RBM27: variants seen among roughly 807,000 people sequenced by gnomAD.
RBM27 encodes RNA-binding protein 27.
RBM27 carries 22 observed loss-of-function variants against 135.3 expected under a neutral mutation model. That is an observed-to-expected ratio of 0.16 (90% CI 0.12 to 0.23). RBM27 has a LOEUF of 0.23. Ranked by LOEUF, RBM27 falls within the 10% of genes least tolerant of loss-of-function variation. RBM27 has a pLI of 1.00. For synonymous variants in RBM27, 481 were observed against 442.4 expected (o/e 1.09, Z -1.10); for missense variants, 1,009 against 1,281.0 (o/e 0.79, Z 3.24).
At position 146,242,124 on chromosome 5, in the gene RBM27, T is replaced by C. The variant is rs1757432681; in HGVS notation, c.1279+4692T>C. The stretch of plus-strand genomic sequence containing the variant: ...ATCTTTTAATTAAAAAAAAAATCTT[T>C]TGTATGTAGAGGCAGGGTCTTGCTG... On this transcript the variant is annotated intron_variant, in intron 8 of 20. Coordinates refer to ENST00000265271, the MANE Select transcript of RBM27 (RefSeq NM_018989.2). 3.3e-5 allele frequency among the ~76,000 whole-genome samples: 5 copies of C among 152,078 alleles called. No individual in the cohort carries two copies. In the South Asian group the frequency reaches 1.0e-3, roughly 32 times the overall value.
intron 10 of RBM27, among the ~76,000 whole-genome samples, chr5:146,257,837 A>G (rs568758657): frequency 2.7e-5 from 4 of 150,456 alleles, no homozygotes; most frequent in Non-Finnish European, 5.9e-5. Context: ...TCTTTATGAG[A>G]CCGAATTTCA....
chr5:146,232,098 G>A (rs1286444404), intron 6 of RBM27, among the ~76,000 whole-genome samples: 1 of 152,150 alleles, frequency 6.6e-6, no homozygotes, highest in Non-Finnish European at 1.5e-5. Flanking sequence ...TAACCCCAGT[G>A]TATCCGTTAC....
At chr5:146,270,809 T>C in intron 17 of RBM27, 145 bp from the exon 18 acceptor site, 1 of 522,134 alleles carries the variant, frequency 1.9e-6, no homozygotes, top group Non-Finnish European at 3.5e-6. Flanking sequence ...TCTGTAAAGT[T>C]ACTTTTTTAA....
intron 5 of RBM27, among the ~76,000 whole-genome samples, chr5:146,230,212 A>G (rs1003378136): frequency 5.3e-5 from 8 of 152,316 alleles, no homozygotes; most frequent in African/African-American, 1.7e-4. Flanking sequence ...CGTGAGGAAG[A>G]GGGTTGCCTG....
Position 146,286,731 on chromosome 5 carries a change from T to G in RBM27, c.*701T>G, listed in dbSNP as rs1741778300. 6.6e-6 allele frequency: 1 copy of G among 152,124 alleles called. No homozygotes were observed. Among genetic ancestry groups the G allele is most frequent in the South Asian group, 2.1e-4 (1 of 4,834 alleles). 9.4% of individuals were successfully genotyped at this position (152,124 alleles called of 1,614,324 possible). On this transcript the variant is annotated 3_prime_UTR_variant, in exon 21 of 21. Coordinates refer to ENST00000265271, the MANE Select transcript of RBM27 (RefSeq NM_018989.2). ...CTCCTGGACTTTTCCTGCTACTGAT[T>G]CTTAGTTTGCTTTGATATTTAGTGA... is the stretch of plus-strand genomic sequence containing the variant.
At chr5:146,245,007 A>G (rs949343805) in intron 8 of RBM27, among the ~76,000 whole-genome samples, 1 of 147,552 alleles carries the variant, frequency 6.8e-6, no homozygotes, top group Non-Finnish European at 1.5e-5. Flanking sequence ...CCAAATAACT[A>G]GGCTGTACAG....
intron 1 of RBM27, among the ~76,000 whole-genome samples, chr5:146,214,450 G>A (rs1406120290): frequency 6.6e-6 from 1 of 152,134 alleles, no homozygotes; most frequent in African/African-American, 2.4e-5. Flanking sequence ...AGAGGGAAGT[G>A]ATGCTGCACT....
chr5:146,204,109 G>A (rs1036432317), intron 1 of RBM27, among the ~76,000 whole-genome samples: 4 of 152,214 alleles, frequency 2.6e-5, no homozygotes, highest in Non-Finnish European at 5.9e-5. Flanking sequence ...AGCAGGGGCC[G>A]TGAGGGAATT....
At chr5:146,282,202 C>T (rs540872455) in intron 19 of RBM27, among the ~76,000 whole-genome samples, 3 of 152,164 alleles carry the variant, frequency 2.0e-5, no homozygotes, top group South Asian at 4.1e-4. Context: ...GATGGTGTTT[C>T]TCCATGTTGG....
rs1019685197 is a variant in RBM27 at position 146,221,440 on chromosome 5, A to AT, written c.179-1953dup. Among the ~76,000 whole-genome samples the AT allele has an allele frequency of 2.9e-4, 43 of 149,960 alleles. No individual in the cohort carries two copies. In the South Asian group the frequency reaches 6.5e-3, roughly 23 times the overall value. ...TCTGGTAAATAGGCCAGAGAAATTG[A>AT]TTTTTTTTTTGAGACAGAGTTTCGC... On this transcript the variant is annotated intron_variant, in intron 2 of 20. Coordinates refer to ENST00000265271, the MANE Select transcript of RBM27 (RefSeq NM_018989.2).
In RBM27 at chr5:146,237,376, T is replaced by C. The variant is rs1357503123; in HGVS notation, c.1223T>C (p.Val408Ala). The stretch of plus-strand genomic sequence containing the variant: ...AGTGCAGTGCCCAATCTTGCATCAG[T>C]GGGAACAAGACTACCTCCTCCTTTA... ...GTSAVPNLAS[V>A]GTRLPPPLPQ... Residue 408 changes from valine (V) to alanine (A), a missense_variant, in exon 8 of 21, where the codon GTG (valine) becomes GCG (alanine). Coordinates refer to ENST00000265271, the MANE Select transcript of RBM27 (RefSeq NM_018989.2). 1 of 1,613,958 alleles carries C rather than the reference T, an allele frequency of 6.2e-7. No individual in the cohort carries two copies. Among genetic ancestry groups the C allele is most frequent in the Admixed American group, 1.7e-5 (1 of 60,020 alleles).
At chr5:146,235,077 AG>A (rs1407523132) in intron 7 of RBM27, among the ~76,000 whole-genome samples, 3 of 101,312 alleles carry the variant, frequency 3.0e-5, no homozygotes, top group Middle Eastern at 7.7e-3. Context: ...AATAAATAAA[AG>A]ATGGCAAATT....
intron 8 of RBM27, among the ~76,000 whole-genome samples, chr5:146,239,213 C>G (rs1757295497): frequency 6.6e-6 from 1 of 152,018 alleles, no homozygotes. Context: ...TGAAGTAGCC[C>G]TTTCTATTTC....
Position 146,267,777 on chromosome 5 carries a change from C to T in RBM27, c.2451+9C>T, listed in dbSNP as rs755452431. ...TGCTTAAAAAAAAACAGGTAACAGT[C>T]TTGATTCTTCTTGCCTTACAGAAGA... On this transcript the variant is annotated intron_variant, in intron 15 of 20. Coordinates refer to ENST00000265271, the MANE Select transcript of RBM27 (RefSeq NM_018989.2). 3.8e-6 allele frequency: 6 copies of T among 1,597,846 alleles called. No homozygotes were observed. Among genetic ancestry groups the T allele is most frequent in the Non-Finnish European group, 5.1e-6 (6 of 1,175,346 alleles).
intron 8 of RBM27, among the ~76,000 whole-genome samples, chr5:146,239,151 T>A (rs1202553372): frequency 1.3e-5 from 2 of 152,222 alleles, no homozygotes; most frequent in Non-Finnish European, 2.9e-5. Flanking sequence ...TTCACAGGAC[T>A]GACTCATTGC....
At chr5:146,272,288 CTG>C (rs1277814660) in intron 19 of RBM27, among the ~76,000 whole-genome samples, 2 of 152,168 alleles carry the variant, frequency 1.3e-5, no homozygotes, top group African/African-American at 4.8e-5. Flanking sequence ...ATGTGAAATC[CTG>C]TGTGTACAGA....
chr5:146,285,791 CTTT>C (rs3062196), intron 20 of RBM27, among the ~76,000 whole-genome samples, 153 bp from the exon 21 acceptor site: 6 of 136,778 alleles, frequency 4.4e-5, no homozygotes, highest in Admixed American at 7.4e-5. Flanking sequence ...ATATTTTGGG[CTTT>C]TTTTTTTTTT....
intron 19 of RBM27, among the ~76,000 whole-genome samples, chr5:146,275,649 A>G: frequency 6.6e-6 from 1 of 152,208 alleles, no homozygotes; most frequent in East Asian, 1.9e-4. Context: ...TAATATCTTA[A>G]TGAAGTTAAT....
intron 15 of RBM27, 75 bp downstream of exon 15, chr5:146,267,843 T>C: frequency 7.0e-7 from 1 of 1,430,708 alleles, no homozygotes; most frequent in Non-Finnish European, 9.7e-7. Flanking sequence ...TTATCACTTT[T>C]AAATCAGTTC....
Sources: gnomAD v4.1 joint callset for allele counts (sites outside exome capture counted in the v4.1 genomes callset) on GRCh38, gnomAD v4.1.1 for gene constraint, MANE v1.5 for transcripts, NCBI Gene and HGNC (gene_info 2026-07-23, HGNC 2026-07-21) for gene names.